Variants in PTPRD observed in about 807,000 individuals in gnomAD.
PTPRD encodes the protein protein tyrosine phosphatase receptor type D, also known as receptor-type tyrosine-protein phosphatase delta.
Under a neutral mutation model 214.5 loss-of-function variants are expected in PTPRD, and 34 were observed. The observed-to-expected ratio is 0.16, with a 90% confidence interval of 0.12 to 0.21. The LOEUF (loss-of-function observed/expected upper bound fraction) is 0.21, where lower values mean the gene tolerates loss of function less well. Ranked by LOEUF, PTPRD falls within the 10% of genes least tolerant of loss-of-function variation. The probability of loss-of-function intolerance (pLI) is 1.00; values close to 1 mark genes in which losing one functional copy is unlikely to be tolerated. For synonymous variants in PTPRD, 1,128 were observed against 845.7 expected, an observed-to-expected ratio of 1.33 and a Z score of -5.79; for missense variants, 2,545 against 2,398.7, an observed-to-expected ratio of 1.06 and a Z score of -1.27.
At chr9:9,943,998 T>C (rs762251102) in intron 4 of PTPRD, among the ~76,000 whole-genome samples, 2 of 152,180 alleles carry the variant, frequency 1.3e-5, no homozygotes. Context: ...TTTATCTTCA[T>C]GTCAGAGTAT....
chr9:9,519,320 A>G, intron 8 of PTPRD, among the ~76,000 whole-genome samples: 1 of 150,072 alleles, frequency 6.7e-6, no homozygotes, highest in East Asian at 2.0e-4. Flanking sequence ...TAAACTATAC[A>G]AAGTAGAAGA....
intron 5 of PTPRD, among the ~76,000 whole-genome samples, chr9:9,909,474 T>C (rs1034967339): frequency 2.0e-5 from 3 of 151,710 alleles, no homozygotes; most frequent in African/African-American, 7.3e-5. Flanking sequence ...AAAAAAGCAG[T>C]GTAGTATTGA....
chr9:9,094,359 G>T (rs2099780501), intron 10 of PTPRD, among the ~76,000 whole-genome samples: 1 of 152,138 alleles, frequency 6.6e-6, no homozygotes, highest in South Asian at 2.1e-4. Flanking sequence ...ACCAAATAGT[G>T]TATTTTGCAG....
At position 8,960,701 on chromosome 9, in the gene PTPRD, C is replaced by T. The variant is rs187748035; in HGVS notation, c.-104+57996G>A. On this transcript the variant is annotated intron_variant, in intron 11 of 45. Transcript: ENST00000381196. ...GGCTCAACATAGACTCTGGCTGAAG[C>T]CAGAGACCTACTTTCTAGCTTAATC... 3.3e-5 allele frequency among the ~76,000 whole-genome samples: 5 copies of T among 152,172 alleles called. No individual in the cohort carries two copies. The East Asian group carries it at 9.7e-4, about 29-fold the overall frequency.
intron 3 of PTPRD, among the ~76,000 whole-genome samples, chr9:10,108,759 A>G (rs777386810): frequency 2.0e-5 from 3 of 152,250 alleles, no homozygotes; most frequent in Middle Eastern, 3.4e-3. Flanking sequence ...TGGTATTTGC[A>G]CACAAAGGGA....
intron 3 of PTPRD, among the ~76,000 whole-genome samples, chr9:10,291,134 A>C (rs1015001193): frequency 3.3e-5 from 5 of 151,886 alleles, no homozygotes; most frequent in Non-Finnish European, 7.4e-5. Context: ...CTTCTGAGAA[A>C]GGTTTCTTCA....
intron 12 of PTPRD, among the ~76,000 whole-genome samples, chr9:8,685,258 GA>G (rs144015767): frequency 0.3 from 41,621 of 137,056 alleles, 6,339 homozygotes; most frequent in African/African-American, 0.44. Context: ...GTAGAAAGCA[GA>G]AAAAAAAAAA....
Position 8,486,791 on chromosome 9 carries a change from T to G in PTPRD, c.2468-442A>C, listed in dbSNP as rs1018298149. On this transcript the variant is annotated intron_variant, in intron 27 of 45. Coordinates refer to ENST00000381196, the MANE Select transcript of PTPRD (RefSeq NM_002839.4). The stretch of plus-strand genomic sequence containing the variant: ...GTGCATTGCATATAGTATTCACAAT[T>G]GGTTTACATTCCTGACTCCTCACTA... Among the ~76,000 whole-genome samples, 2 of 152,224 alleles carry G rather than the reference T, an allele frequency of 1.3e-5. 1 individual carries two copies. Among genetic ancestry groups the G allele is most frequent in the South Asian group, 4.1e-4 (2 of 4,834 alleles).
At chr9:8,549,239 G>C (rs2081270920) in intron 14 of PTPRD, among the ~76,000 whole-genome samples, 1 of 152,150 alleles carries the variant, frequency 6.6e-6, no homozygotes, top group South Asian at 2.1e-4. Context: ...CAGTTTTAGG[G>C]AGTATTCATT....
chr9:10,291,403 T>C (rs2095523856), intron 3 of PTPRD, among the ~76,000 whole-genome samples: 1 of 152,100 alleles, frequency 6.6e-6, no homozygotes, highest in African/African-American at 2.4e-5. Context: ...CAAAAGAAAC[T>C]TTTCAGAGAT....
intron 5 of PTPRD, among the ~76,000 whole-genome samples, chr9:9,895,243 T>C (rs1004667640): frequency 2.6e-5 from 4 of 152,040 alleles, no homozygotes; most frequent in Non-Finnish European, 5.9e-5. Context: ...GAATTCTGTT[T>C]GTTACCAGTA....
chr9:8,949,563 C>T (rs1397862932), intron 11 of PTPRD, among the ~76,000 whole-genome samples: 1 of 152,056 alleles, frequency 6.6e-6, no homozygotes, highest in East Asian at 1.9e-4. Flanking sequence ...CATCAGATTA[C>T]AAAAGCAAAA....
At chr9:8,799,369 C>A (rs1409443405) in intron 11 of PTPRD, among the ~76,000 whole-genome samples, 1 of 152,198 alleles carries the variant, frequency 6.6e-6, no homozygotes, top group Non-Finnish European at 1.5e-5. Flanking sequence ...TTAAAGAGAA[C>A]TGCCTCAGGG....
intron 10 of PTPRD, among the ~76,000 whole-genome samples, chr9:9,096,835 T>C (rs1011617253): frequency 5.9e-5 from 9 of 152,250 alleles, no homozygotes; most frequent in African/African-American, 9.6e-5. Flanking sequence ...ATAATTGGCA[T>C]GTAGGACTGC....
chr9:9,313,553 C>T (rs1960495120), intron 9 of PTPRD, among the ~76,000 whole-genome samples: 1 of 152,092 alleles, frequency 6.6e-6, no homozygotes, highest in Admixed American at 6.6e-5. Flanking sequence ...CTTCTTATAC[C>T]AGTGTTAGAG....
chr9:9,222,464 T>TA (rs1401453146), intron 9 of PTPRD, among the ~76,000 whole-genome samples: 32 of 152,142 alleles, frequency 2.1e-4, no homozygotes, highest in Admixed American at 1.9e-3. Context: ...CAAAGCAACT[T>TA]TAAAAAATTT....
At chr9:9,382,119 T>C (rs374058583) in intron 9 of PTPRD, among the ~76,000 whole-genome samples, 5 of 152,018 alleles carry the variant, frequency 3.3e-5, no homozygotes, top group South Asian at 2.1e-4. Context: ...TATTCCTAAG[T>C]ATTTTACTCT....
intron 2 of PTPRD, among the ~76,000 whole-genome samples, chr9:10,359,118 G>A (rs1005256981): frequency 1.3e-5 from 2 of 151,984 alleles, no homozygotes; most frequent in Non-Finnish European, 2.9e-5. Context: ...CAAAAATTTG[G>A]AAATTCTTAG....
At chr9:8,956,905 T>G (rs961037857) in intron 11 of PTPRD, among the ~76,000 whole-genome samples, 3 of 151,826 alleles carry the variant, frequency 2.0e-5, no homozygotes, top group Non-Finnish European at 4.4e-5. Context: ...GCCTAAACAT[T>G]GCTATTTTTT....
Sources: gnomAD v4.1 joint callset for allele counts (sites outside exome capture counted in the v4.1 genomes callset) on GRCh38, gnomAD v4.1.1 for gene constraint, MANE v1.5 for transcripts, NCBI Gene and HGNC (gene_info 2026-07-23, HGNC 2026-07-21) for gene names.